The following SETBP1 variants were observed in gnomAD, a reference collection of about 807,000 sequenced individuals.
The protein encoded by SETBP1 is SET-binding protein.
In SETBP1, 9 loss-of-function variants were observed where a neutral mutation model predicts 101.0. That is an observed-to-expected ratio of 0.09 (90% CI 0.05 to 0.16). The LOEUF is 0.16. SETBP1 is among the 10% of genes least tolerant of loss of function. The probability of loss-of-function intolerance (pLI) is 1.00; values close to 1 mark genes in which losing one functional copy is unlikely to be tolerated. For missense variants in SETBP1, 1,858 were observed against 2,033.8 expected (o/e 0.91, Z 1.66); for synonymous variants, 818 against 788.5 (o/e 1.04, Z -0.63).
intron 3 of SETBP1, among the ~76,000 whole-genome samples, chr18:44,900,384 G>T (rs149543355): frequency 2.0e-5 from 3 of 152,292 alleles, no homozygotes; most frequent in African/African-American, 7.2e-5. Context: ...TCCATCAATT[G>T]ACTGTTGATC....
chr18:45,044,745 C>T (rs1354797968), intron 5 of SETBP1, among the ~76,000 whole-genome samples: 1 of 152,120 alleles, frequency 6.6e-6, no homozygotes, highest in Non-Finnish European at 1.5e-5. Context: ...TTTCAAAAAA[C>T]TAAAGTTATT....
rs1322476213 is a variant in SETBP1 at position 44,952,071 on chromosome 18, A to C, written c.2731A>C (p.Thr911Pro). ...NPEAIPSDTS[T>P]KNRHGHRQKH... ...GGAGGCCATTCCGTCCGACACCAGCACAAAGAACCGGCATGGCCACCGGCA... is the reference window on the plus strand; with the variant it reads ...GGAGGCCATTCCGTCCGACACCAGCCCAAAGAACCGGCATGGCCACCGGCA... Residue 911 changes from threonine to proline, a missense_variant, in exon 4 of 6, where the codon ACA (threonine) becomes CCA (proline). By Grantham distance (38) the Thr-to-Pro change is conservative. Coordinates refer to ENST00000649279, the MANE Select transcript of SETBP1 (RefSeq NM_015559.3). 1.1e-5 allele frequency: 17 copies of C among 1,613,986 alleles called. No individual in the cohort carries two copies. The highest frequency in any genetic ancestry group is 1.4e-5 in the Non-Finnish European group (16 of 1,180,036).
chr18:44,855,578 G>T (rs916453102), intron 2 of SETBP1, among the ~76,000 whole-genome samples: 11 of 152,344 alleles, frequency 7.2e-5, no homozygotes, highest in Middle Eastern at 3.4e-3. Context: ...ATGCTAGGTG[G>T]CAAGAGCCAG....
chr18:44,967,355 A>G (rs2071743343), intron 4 of SETBP1, among the ~76,000 whole-genome samples: 1 of 152,244 alleles, frequency 6.6e-6, no homozygotes, highest in Non-Finnish European at 1.5e-5. Flanking sequence ...ACTATTCAGT[A>G]GCACTTGTTT....
intron 4 of SETBP1, among the ~76,000 whole-genome samples, chr18:44,997,300 GA>G (rs2072518699): frequency 6.6e-6 from 1 of 152,154 alleles, no homozygotes. Context: ...GCCATCTCGG[GA>G]CTGCACTCTC....
In SETBP1 at chr18:44,945,390, T is replaced by G. The variant is rs375851246; in HGVS notation, c.541-4491T>G. Among the ~76,000 whole-genome samples the G allele has an allele frequency of 2.6e-4, 40 of 152,346 alleles. 1 individual carries two copies. The East Asian group carries it at 7.1e-3, about 27-fold the overall frequency. ...CTACTTTACAAAAGAATTCTTTACATTACAGAAGAACTTGCTTCCATGAAG... is the reference window on the plus strand; with the variant it reads ...CTACTTTACAAAAGAATTCTTTACAGTACAGAAGAACTTGCTTCCATGAAG... On this transcript the variant is annotated intron_variant, in intron 3 of 5. Transcript: ENST00000649279.
intron 3 of SETBP1, among the ~76,000 whole-genome samples, chr18:44,884,779 T>A (rs2069603443): frequency 1.3e-5 from 2 of 152,290 alleles, no homozygotes; most frequent in African/African-American, 4.8e-5. Context: ...TCAAAGAGTT[T>A]TTTGTTTGTT....
At chr18:45,003,300 A>G (rs2072655130) in intron 4 of SETBP1, among the ~76,000 whole-genome samples, 1 of 152,224 alleles carries the variant, frequency 6.6e-6, no homozygotes, top group Admixed American at 6.5e-5. Flanking sequence ...TGATTGGCTC[A>G]CAATCTGGTT....
intron 5 of SETBP1, among the ~76,000 whole-genome samples, chr18:45,053,261 G>A (rs141682711): frequency 6.6e-6 from 1 of 152,030 alleles, no homozygotes; most frequent in South Asian, 2.1e-4. Context: ...TCAATTCTAG[G>A]CACTAAAATC....
At chr18:44,962,176 G>C (rs1453943111) in intron 4 of SETBP1, among the ~76,000 whole-genome samples, 1 of 152,158 alleles carries the variant, frequency 6.6e-6, no homozygotes, top group African/African-American at 2.4e-5. Context: ...GCCAACAATG[G>C]GAGCTGCGGG....
intron 2 of SETBP1, among the ~76,000 whole-genome samples, chr18:44,852,238 T>A (rs1433155840): frequency 1.3e-5 from 2 of 152,180 alleles, no homozygotes; most frequent in African/African-American, 4.8e-5. Context: ...TGGTAGGCAG[T>A]GATCAGAGAC....
chr18:44,929,288 G>T (rs1316364477), intron 3 of SETBP1, among the ~76,000 whole-genome samples: 1 of 152,068 alleles, frequency 6.6e-6, no homozygotes, highest in Non-Finnish European at 1.5e-5. Context: ...TGTTCCATTG[G>T]TCTATATCTC....
chr18:44,817,061 A>G (rs892667228), intron 2 of SETBP1, among the ~76,000 whole-genome samples: 13 of 152,180 alleles, frequency 8.5e-5, no homozygotes, highest in African/African-American at 2.9e-4. Flanking sequence ...CCCTCAATCG[A>G]CAGGAGGCGG....
intron 4 of SETBP1, among the ~76,000 whole-genome samples, chr18:44,962,687 T>C (rs1289994551): frequency 6.6e-6 from 1 of 152,214 alleles, no homozygotes. Context: ...AAATGCAAGT[T>C]GATACTGGTA....
At chr18:44,682,075 A>G (rs2068768725) in intron 1 of SETBP1, among the ~76,000 whole-genome samples, 4 of 151,192 alleles carry the variant, frequency 2.6e-5, no homozygotes, top group Admixed American at 1.3e-4. Flanking sequence ...TTCACTCTTC[A>G]TCCTGTTTTT....
chr18:44,810,672 A>G (rs1299431861), intron 2 of SETBP1, among the ~76,000 whole-genome samples: 1 of 152,200 alleles, frequency 6.6e-6, no homozygotes. Flanking sequence ...GGGTTTGGGA[A>G]GTAGTTTTCT....
At chr18:45,003,752 T>A (rs1432272041) in intron 4 of SETBP1, among the ~76,000 whole-genome samples, 3 of 151,942 alleles carry the variant, frequency 2.0e-5, no homozygotes, top group Non-Finnish European at 4.4e-5. Flanking sequence ...CTTCACAAGG[T>A]CTAGTTGCAT....
chr18:44,990,927 GAAAAAAAAAA>G (rs996043221), intron 4 of SETBP1, among the ~76,000 whole-genome samples: 19 of 63,192 alleles, frequency 3.0e-4, no homozygotes, highest in South Asian at 1.0e-3. Context: ...CAGAGAGAGA[GAAAAAAAAAA>G]AAAAAAAAAA....
intron 2 of SETBP1, among the ~76,000 whole-genome samples, chr18:44,756,489 G>A (rs1429016186): frequency 6.6e-6 from 1 of 152,184 alleles, no homozygotes; most frequent in Non-Finnish European, 1.5e-5. Context: ...AGAGCCCAGG[G>A]CTGGACGCAA....
Sources: allele counts gnomAD v4.1 joint callset (sites outside exome capture counted in the v4.1 genomes callset), GRCh38; gene constraint gnomAD v4.1.1; transcripts MANE v1.5; gene names NCBI Gene and HGNC (gene_info 2026-07-23, HGNC 2026-07-21).